Variants in NAALADL2 observed in about 807,000 individuals in gnomAD.
The protein encoded by NAALADL2 is inactive N-acetylated-alpha-linked acidic dipeptidase-like protein 2.
A neutral mutation model predicts 87.2 loss-of-function variants in NAALADL2; 76 were observed. The ratio of observed to expected loss-of-function variants is 0.87; its 90% confidence interval spans 0.72 to 1.05. The LOEUF (loss-of-function observed/expected upper bound fraction) is 1.05. Ranked by LOEUF, NAALADL2 falls within the 50% of genes least tolerant of loss-of-function variation. NAALADL2 has a pLI of 0.00. For missense variants in NAALADL2, 1,089 were observed against 945.8 expected (o/e 1.15, Z -1.99); for synonymous variants, 354 against 331.0 (o/e 1.07, Z -0.75).
intron 3 of NAALADL2, among the ~76,000 whole-genome samples, chr3:175,236,505 C>T (rs540426907): frequency 2.7e-4 from 41 of 150,768 alleles, no homozygotes; most frequent in African/African-American, 1.0e-3. Flanking sequence ...CCAAGATTGC[C>T]CCATTGCACT....
At chr3:175,632,417 C>A (rs146605631) in intron 11 of NAALADL2, among the ~76,000 whole-genome samples, 23 of 152,006 alleles carry the variant, frequency 1.5e-4, no homozygotes, top group African/African-American at 5.3e-4. Context: ...GTGGAACTGT[C>A]ACCAGAGAGG....
chr3:174,905,444 T>G (rs1489202569), intron 1 of NAALADL2, among the ~76,000 whole-genome samples: 2 of 151,732 alleles, frequency 1.3e-5, no homozygotes, highest in Non-Finnish European at 3.0e-5. Context: ...AGTAGCATAT[T>G]CGTAAAGTTA....
chr3:175,504,631 G>A (rs1730042963), intron 9 of NAALADL2, among the ~76,000 whole-genome samples: 1 of 145,430 alleles, frequency 6.9e-6, no homozygotes, highest in Non-Finnish European at 1.5e-5. Flanking sequence ...CAGACACAGT[G>A]AGAAAGCAGT....
At chr3:175,411,348 C>G (rs568484922) in intron 5 of NAALADL2, among the ~76,000 whole-genome samples, 1 of 152,028 alleles carries the variant, frequency 6.6e-6, no homozygotes, top group Non-Finnish European at 1.5e-5. Flanking sequence ...TGCAAAAATT[C>G]AGGAAGAGGG....
chr3:175,741,071 A>C (rs1296428096), intron 12 of NAALADL2, among the ~76,000 whole-genome samples: 2 of 152,194 alleles, frequency 1.3e-5, no homozygotes, highest in Non-Finnish European at 2.9e-5. Flanking sequence ...TAGGGGAAGC[A>C]CAAGGATTGA....
intron 4 of NAALADL2, among the ~76,000 whole-genome samples, chr3:175,310,652 G>A (rs1016011181): frequency 1.5e-4 from 22 of 151,540 alleles, no homozygotes; most frequent in African/African-American, 4.6e-4. Context: ...ATGATGAAGA[G>A]CTCTATACTT....
intron 3 of NAALADL2, among the ~76,000 whole-genome samples, chr3:174,775,587 A>G (rs1715107821): frequency 8.5e-6 from 1 of 118,148 alleles, no homozygotes; most frequent in Non-Finnish European, 2.0e-5. Flanking sequence ...CAAATGTTTT[A>G]TTAGTAAACC....
chr3:175,329,594 T>G (rs2110484115), intron 5 of NAALADL2, among the ~76,000 whole-genome samples: 1 of 152,298 alleles, frequency 6.6e-6, no homozygotes, highest in East Asian at 1.9e-4. Flanking sequence ...AGCAAAATGT[T>G]AGATATTCAC....
chr3:175,312,440 C>T (rs1318358259), intron 4 of NAALADL2, among the ~76,000 whole-genome samples: 2 of 150,854 alleles, frequency 1.3e-5, no homozygotes, highest in Non-Finnish European at 2.9e-5. Flanking sequence ...TGCAAAAATC[C>T]AGTTCTTTTT....
chr3:175,337,692 C>A (rs1384290732), intron 5 of NAALADL2, among the ~76,000 whole-genome samples: 2 of 152,102 alleles, frequency 1.3e-5, no homozygotes, highest in Non-Finnish European at 2.9e-5. Context: ...GTTATGGCAA[C>A]CCTAGCAAAC....
intron 2 of NAALADL2, among the ~76,000 whole-genome samples, chr3:175,119,772 GATATAT>G (rs553348397): frequency 9.9e-4 from 138 of 138,768 alleles, no homozygotes; most frequent in African/African-American, 3.4e-3. Context: ...ACTATATATA[GATATAT>G]ATATAAAAGT....
intron 1 of NAALADL2, chr3:174,536,627 C>T (rs937458496): frequency 6.6e-6 from 1 of 152,114 alleles, no homozygotes; most frequent in Non-Finnish European, 1.5e-5. Context: ...TTAGATCTCC[C>T]AGCTGGACGT....
intron 1 of NAALADL2, among the ~76,000 whole-genome samples, chr3:174,912,439 C>T (rs1313649943): frequency 6.6e-6 from 1 of 151,984 alleles, no homozygotes; most frequent in African/African-American, 2.4e-5. Flanking sequence ...GTTTGTAAAT[C>T]GTCAGTACAT....
At chr3:175,392,816 T>C (rs1769239232) in intron 5 of NAALADL2, among the ~76,000 whole-genome samples, 2 of 152,156 alleles carry the variant, frequency 1.3e-5, no homozygotes, top group South Asian at 2.1e-4. Context: ...CCCAAATTCT[T>C]ACAGCTTGAC....
At chr3:175,046,013 T>G (rs1580173211) in intron 1 of NAALADL2, among the ~76,000 whole-genome samples, 1 of 52,946 alleles carries the variant, frequency 1.9e-5, no homozygotes, top group South Asian at 4.5e-4. Flanking sequence ...AGACTTTATG[T>G]TTTTTTTTTT....
intron 2 of NAALADL2, among the ~76,000 whole-genome samples, chr3:174,566,321 T>C (rs1308715331): frequency 4.0e-5 from 6 of 151,898 alleles, no homozygotes; most frequent in Non-Finnish European, 8.8e-5. Flanking sequence ...TTTCAGCACT[T>C]TGAGGACAAT....
chr3:175,148,732 G>A (rs1389599441), intron 2 of NAALADL2, among the ~76,000 whole-genome samples: 1 of 152,076 alleles, frequency 6.6e-6, no homozygotes, highest in African/African-American at 2.4e-5. Context: ...TATTGACTCT[G>A]TCAAAGATCA....
chr3:174,612,004 C>T (rs905337825), intron 2 of NAALADL2, among the ~76,000 whole-genome samples: 13 of 150,034 alleles, frequency 8.7e-5, no homozygotes, highest in Non-Finnish European at 1.6e-4. Flanking sequence ...CTCAGCTTTT[C>T]TTTGTCTGAG....
At chr3:174,997,854 C>G (rs921100331) in intron 1 of NAALADL2, among the ~76,000 whole-genome samples, 3 of 151,690 alleles carry the variant, frequency 2.0e-5, no homozygotes, top group Non-Finnish European at 4.4e-5. Context: ...ACAACAACAA[C>G]AACAACAACA....
Sources: allele counts gnomAD v4.1 joint callset (sites outside exome capture counted in the v4.1 genomes callset), GRCh38; gene constraint gnomAD v4.1.1; transcripts MANE v1.5; gene names NCBI Gene and HGNC (gene_info 2026-07-23, HGNC 2026-07-21).